The following RASGEF1A variants were observed in gnomAD, a reference collection of about 807,000 sequenced individuals.
The protein encoded by RASGEF1A is ras-GEF domain-containing family member 1A.
A neutral mutation model predicts 56.4 loss-of-function variants in RASGEF1A; 18 were observed. That is an observed-to-expected ratio of 0.32 (90% CI 0.22 to 0.47). The LOEUF is 0.47. Ranked by LOEUF, RASGEF1A falls within the 20% of genes least tolerant of loss-of-function variation. RASGEF1A has a pLI of 1.00. For missense variants in RASGEF1A, 422 were observed against 627.1 expected (o/e 0.67, Z 3.49); for synonymous variants, 245 against 242.6 (o/e 1.01, Z -0.09).
chr10:43,251,525 G>A (rs538517424), intron 1 of RASGEF1A, among the ~76,000 whole-genome samples: 3 of 152,290 alleles, frequency 2.0e-5, no homozygotes, highest in African/African-American at 7.2e-5. Flanking sequence ...CTTTGCCACT[G>A]AGCACAAGGT....
rs758693848 is a variant in RASGEF1A at position 43,196,309 on chromosome 10, G to A, written c.1422-41C>T. ...ACAAGCAGTGCTCAGGCCCGAGCAGGGCGGCTTGGGTCCAAGCCATCCTCA... is the reference window on the plus strand; with the variant it reads ...ACAAGCAGTGCTCAGGCCCGAGCAGAGCGGCTTGGGTCCAAGCCATCCTCA... On this transcript the variant is annotated intron_variant, in intron 12 of 12. Transcript: ENST00000395810. This position sits in a 1 kb window ranked among gnomAD's most constrained non-coding sequence, Gnocchi z 4.6. 1.2e-6 allele frequency: 2 copies of A among 1,610,594 alleles called. No individual in the cohort carries two copies. Among genetic ancestry groups the A allele is most frequent in the Non-Finnish European group, 1.7e-6 (2 of 1,177,560 alleles).
intron 1 of RASGEF1A, among the ~76,000 whole-genome samples, chr10:43,237,677 C>T (rs1054432908): frequency 1.3e-5 from 2 of 152,130 alleles, no homozygotes; most frequent in African/African-American, 2.4e-5. Flanking sequence ...GCGTGGGTTC[C>T]AACCAAGCCC....
intron 1 of RASGEF1A, among the ~76,000 whole-genome samples, chr10:43,239,213 C>T (rs1480889528): frequency 3.3e-5 from 5 of 152,150 alleles, no homozygotes; most frequent in East Asian, 1.9e-4. Context: ...TCTTTGGCAA[C>T]GAAAAACACT....
intron 1 of RASGEF1A, among the ~76,000 whole-genome samples, chr10:43,264,471 C>T (rs1046855736): frequency 6.6e-6 from 1 of 151,738 alleles, no homozygotes; most frequent in African/African-American, 2.4e-5. Flanking sequence ...TCCCTCCGCA[C>T]ATCACACCCT....
intron 10 of RASGEF1A, 94 bp downstream of exon 10, chr10:43,197,910 G>A (rs574509515): frequency 7.1e-5 from 81 of 1,134,994 alleles, no homozygotes; most frequent in Non-Finnish European, 9.8e-5. Context: ...CAGGGCTCAG[G>A]AAACCCACAG....
At chr10:43,216,427 T>C (rs1241028904) in intron 1 of RASGEF1A, among the ~76,000 whole-genome samples, 1 of 152,180 alleles carries the variant, frequency 6.6e-6, no homozygotes. Flanking sequence ...CACCTTACCC[T>C]GCGGGGAGGG....
At chr10:43,262,518 C>T (rs551743376) in intron 1 of RASGEF1A, among the ~76,000 whole-genome samples, 1 of 152,358 alleles carries the variant, frequency 6.6e-6, no homozygotes, top group South Asian at 2.1e-4. Flanking sequence ...CCAGGCCAGG[C>T]ACCTCTGCCA....
chr10:43,241,749 G>A (rs968814633), intron 1 of RASGEF1A, among the ~76,000 whole-genome samples: 6 of 152,018 alleles, frequency 3.9e-5, no homozygotes, highest in African/African-American at 1.4e-4. Flanking sequence ...CCAGTTAAGA[G>A]TCAGAGATTA....
intron 1 of RASGEF1A, among the ~76,000 whole-genome samples, chr10:43,261,795 C>T (rs1836532935): frequency 6.6e-6 from 1 of 152,210 alleles, no homozygotes; most frequent in Non-Finnish European, 1.5e-5. Flanking sequence ...TTACCTTCAT[C>T]CAGACCACAG....
chr10:43,236,818 G>C (rs1456023067), intron 1 of RASGEF1A, among the ~76,000 whole-genome samples: 1 of 152,212 alleles, frequency 6.6e-6, no homozygotes, highest in Admixed American at 6.5e-5. Flanking sequence ...GGAGAAGAGA[G>C]ACTCAGAGGA....
chr10:43,247,648 G>C (rs1588949843), intron 1 of RASGEF1A, among the ~76,000 whole-genome samples: 1 of 152,214 alleles, frequency 6.6e-6, no homozygotes, highest in Admixed American at 6.5e-5. Context: ...GACAAAAAAG[G>C]CCATGTTGCA....
At chr10:43,207,058 GC>G (rs1277610276) in intron 1 of RASGEF1A, 2 of 985,556 alleles carry the variant, frequency 2.0e-6, no homozygotes, top group East Asian at 2.3e-4. Context: ...TTTCCCCAGT[GC>G]CCCAGACAGC....
chr10:43,202,387 T>C (rs1408638112), intron 3 of RASGEF1A, among the ~76,000 whole-genome samples: 7 of 152,048 alleles, frequency 4.6e-5, no homozygotes, highest in Non-Finnish European at 1.0e-4. Context: ...CGCGCCCTAG[T>C]CCACAGGCAT....
In RASGEF1A at chr10:43,203,255, T is replaced by G. The variant is rs368742688; in HGVS notation, c.321+43A>C. Reference sequence around the variant, plus strand: ...AGCCCCTAGCCTTGACCTCGCCTCCTGCCCCCTGCCCCCGCCCGTGCCCCA... The same window carrying G: ...AGCCCCTAGCCTTGACCTCGCCTCCGGCCCCCTGCCCCCGCCCGTGCCCCA... On this transcript the variant is annotated intron_variant, in intron 3 of 12. Transcript: ENST00000395810. 8.0e-4 allele frequency: 1,097 copies of G among 1,374,202 alleles called. 11 individuals carry two copies. The African/African-American group carries it at 0.017, about 21-fold the overall frequency. 85.1% of individuals were successfully genotyped at this position (1,374,202 alleles called of 1,614,324 possible).
intron 1 of RASGEF1A, among the ~76,000 whole-genome samples, chr10:43,214,235 G>A (rs961145756): frequency 2.0e-5 from 3 of 152,190 alleles, no homozygotes; most frequent in Non-Finnish European, 2.9e-5. Flanking sequence ...CCTGCTGTGC[G>A]TGTCGTCTTC....
At chr10:43,222,053 T>C (rs1221097919) in intron 1 of RASGEF1A, among the ~76,000 whole-genome samples, 1 of 152,184 alleles carries the variant, frequency 6.6e-6, no homozygotes, top group African/African-American at 2.4e-5. Flanking sequence ...CAGACCAGGA[T>C]GGCACAGCCC....
In RASGEF1A at chr10:43,225,574, T is replaced by TGG. The variant is rs374707628; in HGVS notation, c.-6-19454_-6-19453dup. ...GTCTCTGTGTGTGGGTGTCTGTGTA[T>TGG]GGGTGTGTGTGTGTGTGTGTGTGTG... On this transcript the variant is annotated intron_variant, in intron 1 of 12. Transcript: ENST00000395810. Among the ~76,000 whole-genome samples, 87 of 141,174 alleles carry TGG rather than the reference T, an allele frequency of 6.2e-4. 1 individual carries two copies. The South Asian group carries it at 0.012, about 20-fold the overall frequency. 92.6% of individuals were successfully genotyped at this position (141,174 alleles called of 152,430 possible). A position where few individuals can be genotyped will look rare whatever the true frequency, so the allele number is the denominator to read the frequency against.
intron 1 of RASGEF1A, among the ~76,000 whole-genome samples, chr10:43,234,957 C>A (rs1840412597): frequency 6.6e-6 from 1 of 152,270 alleles, no homozygotes; most frequent in African/African-American, 2.4e-5. Context: ...CTGGTCAGTA[C>A]CCCTGGGCAG....
chr10:43,230,129 C>T (rs1436829017), intron 1 of RASGEF1A, among the ~76,000 whole-genome samples: 2 of 152,170 alleles, frequency 1.3e-5, no homozygotes, highest in African/African-American at 4.8e-5. Context: ...GCCTCTTACC[C>T]GGCCCCGGCC....
Sources: allele counts gnomAD v4.1 joint callset (sites outside exome capture counted in the v4.1 genomes callset), GRCh38; gene constraint gnomAD v4.1.1; non-coding constraint Gnocchi (gnomAD v3.1); transcripts MANE v1.5; gene names NCBI Gene and HGNC (gene_info 2026-07-23, HGNC 2026-07-21).